KCNH7: variants seen among roughly 807,000 people sequenced by gnomAD.
The protein encoded by KCNH7 is voltage-gated inwardly rectifying potassium channel KCNH7.
Under a neutral mutation model 120.8 loss-of-function variants are expected in KCNH7, and 49 were observed. The observed-to-expected ratio is 0.41, with a 90% CI of 0.32 to 0.51. The LOEUF (loss-of-function observed/expected upper bound fraction) is 0.51. Ranked by LOEUF, KCNH7 falls within the 20% of genes least tolerant of loss-of-function variation. The pLI is 0.38. For missense variants in KCNH7, 1,097 were observed against 1,446.6 expected, an observed-to-expected ratio of 0.76 and a Z score of 3.92; for synonymous variants, 547 against 516.1, an observed-to-expected ratio of 1.06 and a Z score of -0.81.
Position 162,446,361 on chromosome 2 carries a change from C to G in KCNH7, c.1211G>C (p.Ser404Thr). ...RINKFTILHY[S>T]PFKAVWDWLI... ...CCAGTCCCAGACTGCCTTGAAAGGG[C>G]TGTAGTGCAATATCGTAAACTTGTT... The change falls in exon 7 of 16, where the codon AGC becomes ACC. Residue 404 changes from serine to threonine, a missense_variant. Physicochemically the swap from Ser to Thr is moderately conservative, Grantham distance 58. Coordinates refer to ENST00000332142, the MANE Select transcript of KCNH7 (RefSeq NM_033272.4). 1 of 1,613,788 alleles carries G rather than the reference C, an allele frequency of 6.2e-7. No homozygotes were observed. The highest frequency in any genetic ancestry group is 8.5e-7 in the Non-Finnish European group (1 of 1,179,802).
At chr2:162,455,565 C>G (rs1188898676) in intron 6 of KCNH7, among the ~76,000 whole-genome samples, 1 of 152,124 alleles carries the variant, frequency 6.6e-6, no homozygotes, top group East Asian at 1.9e-4. Flanking sequence ...TCCGTCTGGT[C>G]CTGGGCTTTT....
At chr2:162,783,318 C>A (rs915022893) in intron 2 of KCNH7, among the ~76,000 whole-genome samples, 1 of 152,114 alleles carries the variant, frequency 6.6e-6, no homozygotes, top group Non-Finnish European at 1.5e-5. Context: ...CCATGACACT[C>A]ATTAGTGACT....
chr2:162,727,439 A>G (rs1207145367), intron 2 of KCNH7, among the ~76,000 whole-genome samples: 1 of 152,180 alleles, frequency 6.6e-6, no homozygotes, highest in Non-Finnish European at 1.5e-5. Context: ...CAATATAAAA[A>G]TCATCACCAT....
chr2:162,830,949 G>C (rs1417545880), intron 2 of KCNH7, among the ~76,000 whole-genome samples: 1 of 152,130 alleles, frequency 6.6e-6, no homozygotes, highest in Non-Finnish European at 1.5e-5. Flanking sequence ...TGTTATCACA[G>C]TAGGAAAAGA....
At chr2:162,505,473 G>A (rs1426608835) in intron 5 of KCNH7, among the ~76,000 whole-genome samples, 2 of 151,854 alleles carry the variant, frequency 1.3e-5, no homozygotes, top group South Asian at 2.1e-4. Flanking sequence ...GTACCTAGTC[G>A]CTTCTCAAAA....
At chr2:162,618,379 TC>T (rs1215671690) in intron 2 of KCNH7, among the ~76,000 whole-genome samples, 2 of 152,012 alleles carry the variant, frequency 1.3e-5, no homozygotes, top group Non-Finnish European at 2.9e-5. Flanking sequence ...ACAACATGGA[TC>T]CTAAAGTATC....
intron 2 of KCNH7, among the ~76,000 whole-genome samples, chr2:162,567,696 C>G (rs1031320679): frequency 6.6e-6 from 1 of 151,906 alleles, no homozygotes; most frequent in African/African-American, 2.4e-5. Context: ...GCCTGGCACA[C>G]AGTAAGTGCT....
intron 2 of KCNH7, among the ~76,000 whole-genome samples, chr2:162,835,608 G>A (rs1426889026): frequency 2.0e-5 from 3 of 151,470 alleles, no homozygotes; most frequent in Non-Finnish European, 4.4e-5. Flanking sequence ...ATATCATTTT[G>A]TATAGATATA....
chr2:162,651,668 G>A (rs1171995752), intron 2 of KCNH7, among the ~76,000 whole-genome samples: 4 of 152,104 alleles, frequency 2.6e-5, no homozygotes, highest in Non-Finnish European at 5.9e-5. Context: ...GAACATTTGT[G>A]TGCATGGGTG....
intron 2 of KCNH7, among the ~76,000 whole-genome samples, chr2:162,741,276 T>G (rs1057484946): frequency 4.0e-5 from 6 of 149,644 alleles, no homozygotes; most frequent in Admixed American, 1.3e-4. Flanking sequence ...ATAACATATG[T>G]TATTAGTTAT....
intron 2 of KCNH7, among the ~76,000 whole-genome samples, chr2:162,552,260 G>C (rs1442941207): frequency 6.6e-6 from 1 of 151,926 alleles, no homozygotes. Context: ...AAATATATCT[G>C]GTTCTTAGTA....
intron 6 of KCNH7, among the ~76,000 whole-genome samples, chr2:162,476,819 T>C (rs1255915575): frequency 6.6e-6 from 1 of 152,212 alleles, no homozygotes; most frequent in African/African-American, 2.4e-5. Flanking sequence ...AAAACTAAGA[T>C]TCTATTGTTA....
rs531038404 is a variant in KCNH7 at position 162,385,043 on chromosome 2, C to T, written c.2711-104G>A. On this transcript the variant is annotated intron_variant, in intron 12 of 15. Coordinates refer to ENST00000332142, the MANE Select transcript of KCNH7 (RefSeq NM_033272.4). ...AGCTATATATATAAACTAGCTTTTT[C>T]CTATTGAAAATGTAGCTACTTGGGT... 4.5e-5 allele frequency: 39 copies of T among 864,004 alleles called. No individual in the cohort carries two copies. The South Asian group carries it at 8.6e-4, about 19-fold the overall frequency. The allele number at this position is 864,004 out of a possible 1,614,324, so 53.5% of individuals were successfully genotyped here.
chr2:162,642,934 A>T (rs1034844102), intron 2 of KCNH7, among the ~76,000 whole-genome samples: 1 of 152,188 alleles, frequency 6.6e-6, no homozygotes, highest in African/African-American at 2.4e-5. Flanking sequence ...ATGCTGGTCA[A>T]ATTATGGGCA....
In KCNH7 at chr2:162,741,197, ATTATACATATTAATAACATGTTATTAG is replaced by A. The variant is rs200523505; in HGVS notation, c.307+95313_307+95339del. Among the ~76,000 whole-genome samples the A allele has an allele frequency of 6.5e-3, 845 of 129,622 alleles. 24 individuals carry two copies. Among genetic ancestry groups the A allele is most frequent in the East Asian group, 0.043 (170 of 3,920 alleles). The allele number at this position is 129,622 out of a possible 152,430, so 85.0% of individuals were successfully genotyped here. On this transcript the variant is annotated intron_variant, in intron 2 of 15. Coordinates refer to ENST00000332142, the MANE Select transcript of KCNH7 (RefSeq NM_033272.4). The stretch of plus-strand genomic sequence containing the variant: ...TACATATTAATAACATATGTTATTA[ATTATACATATTAATAACATGTTATTAG>A]TTATACATATTAATAACATATGTTA...
chr2:162,807,463 A>T (rs997198285), intron 2 of KCNH7, among the ~76,000 whole-genome samples: 1 of 151,704 alleles, frequency 6.6e-6, no homozygotes. Flanking sequence ...ACCCAACAAG[A>T]CAAAACTCTA....
Position 162,512,693 on chromosome 2 carries a change from G to A in KCNH7, c.893-19C>T. 1 of 1,593,924 alleles carries A rather than the reference G, an allele frequency of 6.3e-7. No homozygotes were observed. The highest frequency in any genetic ancestry group is 1.3e-5 in the African/African-American group (1 of 74,110). On this transcript the variant is annotated intron_variant, in intron 4 of 15. Transcript: ENST00000332142. Reference sequence around the variant, plus strand: ...CCATTGTCTGTTTTGAGCACATAAGGATAAAAAAAGAGAAATATAAAAAGA... The same window carrying A: ...CCATTGTCTGTTTTGAGCACATAAGAATAAAAAAAGAGAAATATAAAAAGA...
chr2:162,679,021 T>C (rs1405077610), intron 2 of KCNH7, among the ~76,000 whole-genome samples: 1 of 151,638 alleles, frequency 6.6e-6, no homozygotes. Flanking sequence ...CTTTCAGAAA[T>C]GTACTTTAAT....
chr2:162,756,139 A>T (rs1483666579), intron 2 of KCNH7, among the ~76,000 whole-genome samples: 1 of 152,210 alleles, frequency 6.6e-6, no homozygotes, highest in East Asian at 1.9e-4. Context: ...TAGTTTTATT[A>T]TTCAGTAAAC....
Sources: gnomAD v4.1 joint callset for allele counts (sites outside exome capture counted in the v4.1 genomes callset) on GRCh38, gnomAD v4.1.1 for gene constraint, MANE v1.5 for transcripts, NCBI Gene and HGNC (gene_info 2026-07-23, HGNC 2026-07-21) for gene names.